Variants in ASAP2 observed in about 807,000 individuals in gnomAD.
ASAP2 encodes ArfGAP with SH3 domain, ankyrin repeat and PH domain 2.
A neutral mutation model predicts 131.4 loss-of-function variants in ASAP2; 45 were observed. That is an observed-to-expected ratio of 0.34 (90% CI 0.27 to 0.44). The LOEUF is 0.44. ASAP2 is among the 20% of genes least tolerant of loss of function. ASAP2 has a pLI of 1.00. For missense variants in ASAP2, 1,011 were observed against 1,297.0 expected (o/e 0.78, Z 3.39); for synonymous variants, 510 against 503.0 (o/e 1.01, Z -0.19).
chr2:9,393,243 C>G (rs899871808), intron 23 of ASAP2, among the ~76,000 whole-genome samples: 1 of 152,198 alleles, frequency 6.6e-6, no homozygotes, highest in Non-Finnish European at 1.5e-5. Flanking sequence ...CACTCACAGG[C>G]TGATAGAAAA....
intron 1 of ASAP2, among the ~76,000 whole-genome samples, chr2:9,256,673 C>T (rs1665187290): frequency 6.6e-6 from 1 of 152,204 alleles, no homozygotes; most frequent in Non-Finnish European, 1.5e-5. Flanking sequence ...AAAGTGCAGG[C>T]CACTGGCATC....
At position 9,363,128 on chromosome 2, in the gene ASAP2, G is replaced by A. The variant is rs575360194; in HGVS notation, c.1461+4239G>A. Among the ~76,000 whole-genome samples the A allele has an allele frequency of 3.3e-5, 5 of 152,252 alleles. No homozygotes were observed. The South Asian group carries it at 1.0e-3, about 32-fold the overall frequency. The stretch of plus-strand genomic sequence containing the variant: ...TCCATGTTGTCACAAATGACAGAAT[G>A]TCCTTTTTTTCAGGTCGAATAGTAT... On this transcript the variant is annotated intron_variant, in intron 15 of 27. Transcript: ENST00000281419.
rs1162965951 is a variant in ASAP2 at position 9,404,281 on chromosome 2, T to C, written c.*954T>C. 1 of 152,230 alleles carries C rather than the reference T, an allele frequency of 6.6e-6. No individual in the cohort carries two copies. The highest frequency in any genetic ancestry group is 2.4e-5 in the African/African-American group (1 of 41,474). The allele number at this position is 152,230 out of a possible 1,614,324, so 9.4% of individuals were successfully genotyped here. Reference sequence around the variant, plus strand: ...CTCAGTTTAGTGTCTTGTATTTCTATAATACTCCAACAGGAATGGTAGTCA... The same window carrying C: ...CTCAGTTTAGTGTCTTGTATTTCTACAATACTCCAACAGGAATGGTAGTCA... On this transcript the variant is annotated 3_prime_UTR_variant, in exon 28 of 28. Coordinates refer to ENST00000281419, the MANE Select transcript of ASAP2 (RefSeq NM_003887.3).
In ASAP2 at chr2:9,335,290, G is replaced by A. The variant is rs1671130070; in HGVS notation, c.849+111G>A. On this transcript the variant is annotated intron_variant, in intron 9 of 27. Coordinates refer to ENST00000281419, the MANE Select transcript of ASAP2 (RefSeq NM_003887.3). ...TAGGAGCTCACAGTTCACTCGGGCT[G>A]TGTCAGGCACCAGTAAAACATTTAA... is the stretch of plus-strand genomic sequence containing the variant. 4 of 873,786 alleles carry A rather than the reference G, an allele frequency of 4.6e-6. No individual in the cohort carries two copies. The African/African-American group carries it at 6.8e-5, about 15-fold the overall frequency. The allele number at this position is 873,786 out of a possible 1,614,324, so 54.1% of individuals were successfully genotyped here. A position where few individuals can be genotyped will look rare whatever the true frequency, so the allele number is the denominator to read the frequency against.
At chr2:9,401,221 C>G in intron 26 of ASAP2, 53 bp from the exon 27 acceptor site, 2 of 1,606,066 alleles carry the variant, frequency 1.2e-6, no homozygotes, top group Non-Finnish European at 1.7e-6. Context: ...GCTCTCTGCC[C>G]TGAGAGCTGA....
Position 9,280,566 on chromosome 2 carries a change from C to T in ASAP2, c.199+1177C>T, listed in dbSNP as rs183517881. Among the ~76,000 whole-genome samples, 422 of 152,290 alleles carry T rather than the reference C, an allele frequency of 2.8e-3. 1 individual carries two copies. Among genetic ancestry groups the T allele is most frequent in the African/African-American group, 9.6e-3 (399 of 41,540 alleles). On this transcript the variant is annotated intron_variant, in intron 2 of 27. Coordinates refer to ENST00000281419, the MANE Select transcript of ASAP2 (RefSeq NM_003887.3). ...GAATCCTACATCAACAAGTACAAAA[C>T]GCTGCTGACCAAAATGAAAGAAGAC...
intron 3 of ASAP2, among the ~76,000 whole-genome samples, chr2:9,304,748 AGGG>A (rs1360974755): frequency 1.5e-4 from 3 of 20,110 alleles, no homozygotes; most frequent in Admixed American, 6.6e-4. Context: ...GTATTGGTGG[AGGG>A]GGTTGTAATA....
chr2:9,286,394 T>C (rs1667461509), intron 2 of ASAP2, among the ~76,000 whole-genome samples: 1 of 148,442 alleles, frequency 6.7e-6, no homozygotes, highest in South Asian at 2.1e-4. Flanking sequence ...TGAGACCCTG[T>C]CTCCAAAACA....
chr2:9,225,900 G>A (rs1423239047), intron 1 of ASAP2, among the ~76,000 whole-genome samples: 1 of 152,208 alleles, frequency 6.6e-6, no homozygotes, highest in Non-Finnish European at 1.5e-5. Flanking sequence ...CACTCAGGCC[G>A]GCCTTCCCCC....
chr2:9,231,746 A>G (rs1572209231), intron 1 of ASAP2, among the ~76,000 whole-genome samples: 1 of 151,976 alleles, frequency 6.6e-6, no homozygotes, highest in African/African-American at 2.4e-5. Context: ...CCCTTGTGCC[A>G]TGCCTTCCTT....
At chr2:9,338,533 C>T (rs1671372848) in intron 9 of ASAP2, among the ~76,000 whole-genome samples, 1 of 152,152 alleles carries the variant, frequency 6.6e-6, no homozygotes, top group Admixed American at 6.5e-5. Context: ...CTGCCAGGGG[C>T]CACCTGCCTG....
intron 7 of ASAP2, among the ~76,000 whole-genome samples, chr2:9,333,162 TGAAACCCA>T: frequency 6.6e-6 from 1 of 152,356 alleles, no homozygotes; most frequent in South Asian, 2.1e-4. Flanking sequence ...ATGACATATG[TGAAACCCA>T]GATCACTTTT....
chr2:9,373,128 T>C (rs1263006553), intron 16 of ASAP2, among the ~76,000 whole-genome samples: 2 of 151,948 alleles, frequency 1.3e-5, no homozygotes, highest in Non-Finnish European at 2.9e-5. Flanking sequence ...ACGGGGAGCA[T>C]GTGCCGGGGG....
intron 4 of ASAP2, among the ~76,000 whole-genome samples, 156 bp from the exon 5 acceptor site, chr2:9,320,132 A>G (rs893919834): frequency 3.9e-5 from 6 of 152,196 alleles, no homozygotes; most frequent in African/African-American, 1.4e-4. Context: ...TCTACTTAAA[A>G]GCATGTACTC....
intron 3 of ASAP2, among the ~76,000 whole-genome samples, chr2:9,298,707 A>C (rs1227521281): frequency 1.3e-5 from 2 of 152,294 alleles, no homozygotes; most frequent in East Asian, 3.9e-4. Flanking sequence ...GCCCAGGGTA[A>C]AGATCCGTAG....
At chr2:9,322,700 G>C (rs929194863) in intron 5 of ASAP2, among the ~76,000 whole-genome samples, 2 of 152,238 alleles carry the variant, frequency 1.3e-5, no homozygotes, top group East Asian at 3.8e-4. Flanking sequence ...GGTCAAGGCA[G>C]AGAGCTGGCC....
At chr2:9,213,740 CA>C (rs1244358328) in intron 1 of ASAP2, among the ~76,000 whole-genome samples, 1 of 152,120 alleles carries the variant, frequency 6.6e-6, no homozygotes, top group Non-Finnish European at 1.5e-5. Context: ...ACTCCTGCCC[CA>C]AACAGGGCAA....
intron 1 of ASAP2, among the ~76,000 whole-genome samples, chr2:9,229,116 T>A (rs1285138282): frequency 6.6e-6 from 1 of 152,050 alleles, no homozygotes; most frequent in Non-Finnish European, 1.5e-5. Context: ...GGAGTTTTAG[T>A]ACAGATGTAC....
intron 1 of ASAP2, among the ~76,000 whole-genome samples, chr2:9,259,147 C>T (rs1388680638): frequency 6.6e-6 from 1 of 152,196 alleles, no homozygotes; most frequent in Non-Finnish European, 1.5e-5. Flanking sequence ...CTTCCCCTCG[C>T]TTCCTCTCTT....
Sources: allele counts gnomAD v4.1 joint callset (sites outside exome capture counted in the v4.1 genomes callset), GRCh38; gene constraint gnomAD v4.1.1; transcripts MANE v1.5; gene names NCBI Gene and HGNC (gene_info 2026-07-23, HGNC 2026-07-21).